The following ASB14 variants were observed in gnomAD, a reference collection of about 807,000 sequenced individuals.
ASB14 encodes ankyrin repeat and SOCS box protein 14.
Under a neutral mutation model 55.6 loss-of-function variants are expected in ASB14, and 63 were observed. The observed-to-expected ratio is 1.13, with a 90% CI of 0.92 to 1.40. The LOEUF (loss-of-function observed/expected upper bound fraction) is 1.40, where lower values mean the gene tolerates loss of function less well. Ranked by LOEUF, ASB14 falls within the 40% of genes most tolerant of loss-of-function variation. ASB14 has a pLI of 0.00. For synonymous variants in ASB14, 256 were observed against 259.9 expected (o/e 0.98, Z 0.15); for missense variants, 724 against 710.4 (o/e 1.02, Z -0.22).
rs546808047 is a variant in ASB14 at position 57,287,645 on chromosome 3, A to G, written c.469+256T>C. On this transcript the variant is annotated intron_variant, in intron 5 of 10. Transcript: ENST00000487349. The stretch of plus-strand genomic sequence containing the variant: ...CATGAGGTAATTCTGCTCCCCTCTG[A>G]TTTTTTGTATCAGAATTAACTGGCT... Among the ~76,000 whole-genome samples, 3 of 152,062 alleles carry G rather than the reference A, an allele frequency of 2.0e-5. No homozygotes were observed. In the South Asian group the frequency reaches 6.2e-4, roughly 32 times the overall value.
rs750762252 is a variant in ASB14, at chr3:57,278,477, C to G, written c.1331G>C (p.Gly444Ala). Residue 444 changes from glycine (G) to alanine (A), a missense_variant, in exon 8 of 11, where the codon GGG becomes GCG. Gly to Ala is a moderately conservative substitution (Grantham distance 60, BLOSUM62 0). Transcript: ENST00000487349. ...EVMLRMLLNYGYDTERCFDCP... is the reference protein window; with the variant it reads ...EVMLRMLLNYAYDTERCFDCP... ...ATCAAAACATCGCTCTGTGTCATAC[C>G]CATAGTTCAGCAGCATCCTGAGCAT... The G allele has an allele frequency of 1.2e-6, 2 of 1,614,140 alleles. No homozygotes were observed. Among genetic ancestry groups the G allele is most frequent in the African/African-American group, 1.3e-5 (1 of 75,032 alleles).
In ASB14 at chr3:57,276,722, G is replaced by C. The variant is rs141916461; in HGVS notation, c.1592C>G (p.Pro531Arg). 6 of 1,606,466 alleles carry C rather than the reference G, an allele frequency of 3.7e-6. No homozygotes were observed. The highest frequency in any genetic ancestry group is 1.7e-4 in the Middle Eastern group (1 of 6,032). The change falls in exon 10 of 11, where the codon CCT (proline) becomes CGT (arginine). Residue 531 changes from proline (P) to arginine (R), a missense_variant. Coordinates refer to ENST00000487349, the MANE Select transcript of ASB14 (RefSeq NM_001142733.3). ...WSEIHFILTN[P>R]RSLKHLCRLK... ...GCGGCACAAATGTTTTAGGGAGCGA[G>C]GGTTTGCTAAAAAGAAAAGGCACAT...
intron 10 of ASB14, chr3:57,272,141 A>G (rs2060945982): frequency 6.6e-6 from 1 of 152,204 alleles, no homozygotes; most frequent in Non-Finnish European, 1.5e-5. Flanking sequence ...CTCCTTTTTA[A>G]AAAGAAAAGA....
At chr3:57,284,692 C>T (rs969224162) in intron 5 of ASB14, among the ~76,000 whole-genome samples, 4 of 152,148 alleles carry the variant, frequency 2.6e-5, no homozygotes, top group Admixed American at 6.5e-5. Context: ...GATTTTTCTA[C>T]GCACAAGACA....
Position 57,287,961 on chromosome 3 carries a change from G to T in ASB14, c.409C>A (p.Leu137Ile), listed in dbSNP as rs866623440. 4.6e-6 allele frequency: 7 copies of T among 1,537,156 alleles called. No homozygotes were observed. Among genetic ancestry groups the T allele is most frequent in the African/African-American group, 4.1e-5 (3 of 73,050 alleles). Residue 137 changes from leucine to isoleucine, a missense_variant, in exon 5 of 11, where the codon CTT (leucine) becomes ATT (isoleucine). Transcript: ENST00000487349. ...GCATTTGGATTGCAGCCATTGAGAAGAAGAAAAGTGGCATTTTCTAAGAGG... is the reference window on the plus strand; with the variant it reads ...GCATTTGGATTGCAGCCATTGAGAATAAGAAAAGTGGCATTTTCTAAGAGG... The part of the protein sequence containing the change: ...SCLLENATFL[L>I]LNGCNPNAKN...
At position 57,278,819 on chromosome 3, in the gene ASB14, A is replaced by G. The variant is rs1385147527; in HGVS notation, c.989T>C (p.Leu330Pro). ...AAATCCAGCCTGGATGAGGAGTTCCAGGCACTGAGGATGTGCTCCTGCTGC... is the reference window on the plus strand; with the variant it reads ...AAATCCAGCCTGGATGAGGAGTTCCGGGCACTGAGGATGTGCTCCTGCTGC... Reference protein sequence around the residue: ...CAAAGAHPQCLELLIQAGFDV... With the variant: ...CAAAGAHPQCPELLIQAGFDV... Residue 330 changes from leucine to proline, a missense_variant, in exon 8 of 11, where the codon CTG (leucine) becomes CCG (proline). Leu to Pro is a moderately conservative substitution (Grantham distance 98). Coordinates refer to ENST00000487349, the MANE Select transcript of ASB14 (RefSeq NM_001142733.3). 1.2e-6 allele frequency: 2 copies of G among 1,613,392 alleles called. No homozygotes were observed. The highest frequency in any genetic ancestry group is 1.7e-6 in the Non-Finnish European group (2 of 1,179,740).
At chr3:57,285,156 G>T (rs1410628031) in intron 5 of ASB14, among the ~76,000 whole-genome samples, 1 of 152,016 alleles carries the variant, frequency 6.6e-6, no homozygotes, top group Non-Finnish European at 1.5e-5. Flanking sequence ...GGTCAGGCTG[G>T]TCTCAAACTC....
intron 7 of ASB14, 131 bp downstream of exon 7, chr3:57,280,163 CAAAAAAAA>C (rs138493152): frequency 1.9e-5 from 4 of 215,858 alleles, no homozygotes; most frequent in African/African-American, 9.8e-5. Context: ...GACAGCATCT[CAAAAAAAA>C]AAAAAAAAAA....
rs757960824 is a variant in ASB14, at chr3:57,278,416, A to G, written c.1392T>C (p.Thr464=). The stretch of plus-strand genomic sequence containing the variant: ...TAACTGTAGATGTCCAGCCTTCAAC[A>G]GTATAGGAAGGATGGACTTTGTCTC... ...PHGDKVHPSY[T]VEGWTSTVIK... is the part of the protein sequence containing the mutation. The change falls in exon 8 of 11, where the codon ACT becomes ACC. Residue 464 remains threonine (T), a synonymous_variant. Coordinates refer to ENST00000487349, the MANE Select transcript of ASB14 (RefSeq NM_001142733.3). 5.0e-6 allele frequency: 8 copies of G among 1,614,020 alleles called. No homozygotes were observed. In the South Asian group the frequency reaches 7.7e-5, roughly 16 times the overall value.
In ASB14 at chr3:57,278,420, T is replaced by C. The variant is rs746962320; in HGVS notation, c.1388A>G (p.Tyr463Cys). 3 of 1,614,002 alleles carry C rather than the reference T, an allele frequency of 1.9e-6. No homozygotes were observed. Among genetic ancestry groups the C allele is most frequent in the Admixed American group, 1.7e-5 (1 of 59,994 alleles). ...TGTAGATGTCCAGCCTTCAACAGTA[T>C]AGGAAGGATGGACTTTGTCTCCATG... Reference protein sequence around the residue: ...CPHGDKVHPSYTVEGWTSTVI... With the variant: ...CPHGDKVHPSCTVEGWTSTVI... Residue 463 changes from tyrosine to cysteine, a missense_variant, in exon 8 of 11, where the codon TAT becomes TGT. Tyr to Cys is a radical substitution (Grantham distance 194). Coordinates refer to ENST00000487349, the MANE Select transcript of ASB14 (RefSeq NM_001142733.3).
At chr3:57,284,710 T>C (rs1244851649) in intron 5 of ASB14, among the ~76,000 whole-genome samples, 3 of 152,184 alleles carry the variant, frequency 2.0e-5, no homozygotes, top group Non-Finnish European at 4.4e-5. Context: ...ACAAGTACTA[T>C]CTTATAGACA....
In ASB14 at chr3:57,269,615, T is replaced by A; in HGVS notation, c.*26A>T. 1.2e-6 allele frequency: 2 copies of A among 1,614,126 alleles called. No homozygotes were observed. The highest frequency in any genetic ancestry group is 1.7e-6 in the Non-Finnish European group (2 of 1,180,018). On this transcript the variant is annotated 3_prime_UTR_variant, in exon 11 of 11. Coordinates refer to ENST00000487349, the MANE Select transcript of ASB14 (RefSeq NM_001142733.3). ...AAGCCAGTAGTGAGGGGCAGTTTGT[T>A]GTCCTTAGCAGTAGCCAGTCAGAAG...
At position 57,283,193 on chromosome 3, in the gene ASB14, C is replaced by T. The variant is rs1170752007; in HGVS notation, c.715+1G>A. ...TGTGCTGACCAAACAGAAGATCTTG[C>T]CTTTCCGCAGTAACATTTCCATGAT... On this transcript the variant is annotated splice_donor_variant, in intron 6 of 10. Coordinates refer to ENST00000487349, the MANE Select transcript of ASB14 (RefSeq NM_001142733.3). LOFTEE classifies it high-confidence loss of function. The T allele has an allele frequency of 1.9e-6, 3 of 1,552,082 alleles. No homozygotes were observed. The highest frequency in any genetic ancestry group is 2.6e-6 in the Non-Finnish European group (3 of 1,147,034).
rs774511412 is a variant in ASB14, at chr3:57,276,679, G to C, written c.1635C>G (p.Cys545Trp). 1.1e-5 allele frequency: 17 copies of C among 1,614,046 alleles called. No homozygotes were observed. The East Asian group carries it at 3.6e-4, about 34-fold the overall frequency. Reference protein sequence around the residue: ...KHLCRLKIRKCMGRLHLRCPV... With the variant: ...KHLCRLKIRKWMGRLHLRCPV... ...GGCAGCGCAAATGTAACCGTCCCAT[G>C]CATTTCCGGATCTTTAGGCGGCACA... Residue 545 changes from cysteine to tryptophan, a missense_variant, in exon 10 of 11, where the codon TGC becomes TGG. Physicochemically the swap from Cys to Trp is radical, Grantham distance 215. Transcript: ENST00000487349.
chr3:57,275,169 G>T (rs7627842), intron 10 of ASB14, among the ~76,000 whole-genome samples: 8,860 of 152,166 alleles, frequency 0.058, 885 homozygotes, highest in African/African-American at 0.2. Flanking sequence ...ATTAAAAGGA[G>T]GCTGGGCACG....
In ASB14 at chr3:57,276,530, T is replaced by G. The variant is rs753784973; in HGVS notation, c.*20A>C. ...GGAATACAGCTGCAAAATTATACCT[T>G]TTCCATTAGAATGGTTTGATTACCA... On this transcript the variant is annotated splice_region_variant and 3_prime_UTR_variant, in exon 10 of 11. Transcript: ENST00000487349. 6.3e-7 allele frequency: 1 copy of G among 1,583,194 alleles called. No homozygotes were observed. Among genetic ancestry groups the G allele is most frequent in the Non-Finnish European group, 8.6e-7 (1 of 1,160,396 alleles).
intron 3 of ASB14, 132 bp downstream of exon 3, chr3:57,288,936 T>C: frequency 1.6e-6 from 1 of 609,508 alleles, no homozygotes; most frequent in Non-Finnish European, 2.8e-6. Flanking sequence ...CAGGCTGGTC[T>C]CGAACTCCTG....
At chr3:57,279,271 T>C (rs112927007) in intron 7 of ASB14, among the ~76,000 whole-genome samples, 1,803 of 97,424 alleles carry the variant, frequency 0.019, 25 homozygotes, top group African/African-American at 0.026. Context: ...TTTCTTTTTT[T>C]TTTTTTTTTT....
intron 8 of ASB14, 80 bp from the exon 9 acceptor site, chr3:57,278,000 A>C: frequency 7.8e-7 from 1 of 1,282,532 alleles, no homozygotes; most frequent in Non-Finnish European, 1.1e-6. Flanking sequence ...GTCAAAGGAG[A>C]TGTGGTGTGA....
Sources: allele counts gnomAD v4.1 joint callset (sites outside exome capture counted in the v4.1 genomes callset), GRCh38; gene constraint gnomAD v4.1.1; transcripts MANE v1.5; gene names NCBI Gene and HGNC (gene_info 2026-07-23, HGNC 2026-07-21).